PTPRT: variants seen among roughly 807,000 people sequenced by gnomAD.
PTPRT encodes receptor-type tyrosine-protein phosphatase T.
A neutral mutation model predicts 176.8 loss-of-function variants in PTPRT; 56 were observed. The ratio of observed to expected loss-of-function variants is 0.32; its 90% CI spans 0.26 to 0.40. The LOEUF (loss-of-function observed/expected upper bound fraction) is 0.40, where lower values mean the gene tolerates loss of function less well. Ranked by LOEUF, PTPRT falls within the 10% of genes least tolerant of loss-of-function variation. PTPRT has a pLI of 1.00. For missense variants in PTPRT, 1,540 were observed against 1,908.2 expected (o/e 0.81, Z 3.60); for synonymous variants, 783 against 739.0 (o/e 1.06, Z -0.96).
chr20:42,369,785 T>A lies in PTPRT; in HGVS notation c.1561-17500A>T, dbSNP rs897600563. On this transcript the variant is annotated intron_variant, in intron 9 of 30. Transcript: ENST00000373187. ...AAGGAAGAGAAGCCTGGGTATCGGG[T>A]TTCCAATTGTATGTCCATGATGCCA... is the stretch of plus-strand genomic sequence containing the variant. Among the ~76,000 whole-genome samples the A allele has an allele frequency of 5.9e-5, 9 of 152,214 alleles. No homozygotes were observed. In the South Asian group the frequency reaches 1.7e-3, roughly 28 times the overall value.
At chr20:42,230,159 G>A (rs942077694) in intron 15 of PTPRT, among the ~76,000 whole-genome samples, 11 of 152,152 alleles carry the variant, frequency 7.2e-5, no homozygotes, top group African/African-American at 2.2e-4. Flanking sequence ...GAATGATATC[G>A]GATTTGAATA....
At chr20:42,121,016 A>G (rs567407699) in intron 19 of PTPRT, among the ~76,000 whole-genome samples, 2 of 152,164 alleles carry the variant, frequency 1.3e-5, no homozygotes, top group African/African-American at 4.8e-5. Context: ...GTTGCTGACC[A>G]GTCTTTTTGC....
chr20:42,390,112 A>G (rs575299988), intron 9 of PTPRT, among the ~76,000 whole-genome samples: 2 of 152,272 alleles, frequency 1.3e-5, no homozygotes, highest in East Asian at 1.9e-4. Flanking sequence ...ACAGCATTCA[A>G]TTTTCTCCCA....
intron 7 of PTPRT, among the ~76,000 whole-genome samples, chr20:42,566,162 G>T (rs2073036497): frequency 6.6e-6 from 1 of 151,958 alleles, no homozygotes; most frequent in African/African-American, 2.4e-5. Flanking sequence ...TTGAGACAGA[G>T]TCTCACTCTG....
At chr20:42,088,069 C>A (rs565655977) in intron 27 of PTPRT, among the ~76,000 whole-genome samples, 2 of 152,066 alleles carry the variant, frequency 1.3e-5, no homozygotes, top group African/African-American at 4.8e-5. Context: ...CAAGATGGAT[C>A]CTGCCTAGGT....
At chr20:42,525,279 C>G (rs956684168) in intron 7 of PTPRT, among the ~76,000 whole-genome samples, 1 of 152,066 alleles carries the variant, frequency 6.6e-6, no homozygotes, top group Non-Finnish European at 1.5e-5. Flanking sequence ...AGTCATTGTT[C>G]CCGGCTCATC....
At chr20:42,605,594 G>C (rs6102935) in intron 7 of PTPRT, among the ~76,000 whole-genome samples, 43,314 of 152,124 alleles carry the variant, frequency 0.28, 9,288 homozygotes, top group African/African-American at 0.61. Flanking sequence ...TACCTTGGAG[G>C]AAAGGGTGTT....
rs572474524 is a variant in PTPRT at position 42,202,152 on chromosome 20, T to C, written c.2343-2764A>G. On this transcript the variant is annotated intron_variant, in intron 15 of 30. Coordinates refer to ENST00000373187, the MANE Select transcript of PTPRT (RefSeq NM_007050.6). ...ATCCAGCTAAGTTTTTGTAATTTAG[T>C]AGAGACAGCGTTTTACCATATTGCC... Among the ~76,000 whole-genome samples, 43 of 152,210 alleles carry C rather than the reference T, an allele frequency of 2.8e-4. 1 individual carries two copies. The South Asian group carries it at 8.1e-3, about 29-fold the overall frequency.
chr20:42,277,884 T>TCATCCATCCATCCATC (rs60397646), intron 13 of PTPRT, among the ~76,000 whole-genome samples: 4 of 139,786 alleles, frequency 2.9e-5, no homozygotes, highest in South Asian at 2.5e-4. Flanking sequence ...AGTCATCCAC[T>TCATCCATCCATCCATC]CATCCATCCA....
chr20:43,020,167 T>A (rs1217202031), intron 1 of PTPRT, among the ~76,000 whole-genome samples: 1 of 147,970 alleles, frequency 6.8e-6, no homozygotes, highest in Admixed American at 6.8e-5. Flanking sequence ...TGTGTGTTTG[T>A]CTCTATATAA....
At chr20:42,382,711 T>C (rs1600927624) in intron 9 of PTPRT, among the ~76,000 whole-genome samples, 1 of 150,986 alleles carries the variant, frequency 6.6e-6, no homozygotes, top group African/African-American at 2.4e-5. Flanking sequence ...TGGTGGGGGG[T>C]GTAAGAGGAA....
At chr20:42,615,101 C>A (rs1414266482) in intron 7 of PTPRT, among the ~76,000 whole-genome samples, 1,719 of 104,020 alleles carry the variant, frequency 0.017, 73 homozygotes, top group African/African-American at 0.065. Context: ...CCCACCCCAC[C>A]ACAGTCCCCA....
At chr20:42,825,992 C>T (rs2077986231) in intron 2 of PTPRT, among the ~76,000 whole-genome samples, 1 of 151,952 alleles carries the variant, frequency 6.6e-6, no homozygotes, top group African/African-American at 2.4e-5. Context: ...TTAAGACAAC[C>T]ACCCACAAAA....
rs114005101 is a variant in PTPRT at position 42,443,801 on chromosome 20, G to A, written c.1560+4419C>T. On this transcript the variant is annotated intron_variant, in intron 9 of 30. Transcript: ENST00000373187. ...AGAGGGTGTCAAAGCTGGGCTAGCAGCAGTAAAGAGGCAGCTGTAACAACA... is the reference window on the plus strand; with the variant it reads ...AGAGGGTGTCAAAGCTGGGCTAGCAACAGTAAAGAGGCAGCTGTAACAACA... 5.4e-3 allele frequency among the ~76,000 whole-genome samples: 822 copies of A among 152,324 alleles called. 3 individuals are homozygous for A. Among genetic ancestry groups the A allele is most frequent in the African/African-American group, 0.019 (776 of 41,572 alleles).
intron 15 of PTPRT, among the ~76,000 whole-genome samples, chr20:42,219,175 C>G (rs1316649533): frequency 6.6e-6 from 1 of 152,134 alleles, no homozygotes; most frequent in African/African-American, 2.4e-5. Context: ...GGTCCCTGCA[C>G]CAGCCTCCTA....
chr20:42,374,493 T>C (rs906395866), intron 9 of PTPRT, among the ~76,000 whole-genome samples: 3 of 152,042 alleles, frequency 2.0e-5, no homozygotes, highest in Non-Finnish European at 4.4e-5. Flanking sequence ...AATCAAATAA[T>C]ATTAAAGGGA....
chr20:43,053,983 T>C (rs572093680), intron 1 of PTPRT, among the ~76,000 whole-genome samples: 274 of 152,314 alleles, frequency 1.8e-3, no homozygotes, highest in African/African-American at 6.3e-3. Flanking sequence ...CATCTTGGCC[T>C]CCTTAAGCTT....
intron 2 of PTPRT, among the ~76,000 whole-genome samples, chr20:42,823,018 C>A (rs1392533202): frequency 6.6e-6 from 1 of 152,050 alleles, no homozygotes; most frequent in African/African-American, 2.4e-5. Flanking sequence ...ACCATTTGAC[C>A]CAGCAATCCC....
At chr20:42,883,586 AAAG>A (rs1389218728) in intron 2 of PTPRT, among the ~76,000 whole-genome samples, 1 of 150,704 alleles carries the variant, frequency 6.6e-6, no homozygotes, top group Non-Finnish European at 1.5e-5. Flanking sequence ...TAAGTGGACT[AAAG>A]ATGAGCAGAA....
Sources: gnomAD v4.1 joint callset for allele counts (sites outside exome capture counted in the v4.1 genomes callset) on GRCh38, gnomAD v4.1.1 for gene constraint, MANE v1.5 for transcripts, NCBI Gene and HGNC (gene_info 2026-07-23, HGNC 2026-07-21) for gene names.